Variants in PXDNL observed in about 807,000 individuals in gnomAD.
PXDNL encodes probable oxidoreductase PXDNL.
PXDNL carries 145 observed loss-of-function variants against 150.8 expected under a neutral mutation model. That is an observed-to-expected ratio of 0.96 (90% CI 0.84 to 1.10). The LOEUF (loss-of-function observed/expected upper bound fraction) is 1.10. PXDNL is among the 50% of genes least tolerant of loss of function. The pLI, the probability that PXDNL is intolerant of heterozygous loss-of-function variation, is 0.00. For synonymous variants in PXDNL, 757 were observed against 725.7 expected, an observed-to-expected ratio of 1.04 and a Z score of -0.69; for missense variants, 2,087 against 1,873.9, an observed-to-expected ratio of 1.11 and a Z score of -2.10.
At chr8:51,774,445 A>G (rs965768251) in intron 1 of PXDNL, among the ~76,000 whole-genome samples, 2 of 152,194 alleles carry the variant, frequency 1.3e-5, no homozygotes, top group Non-Finnish European at 2.9e-5. Flanking sequence ...TTAAAATATT[A>G]ACAACTTTAG....
intron 1 of PXDNL, among the ~76,000 whole-genome samples, chr8:51,706,063 C>T (rs1816372210): frequency 6.6e-6 from 1 of 152,158 alleles, no homozygotes; most frequent in Admixed American, 6.5e-5. Context: ...ATAATCCCAG[C>T]ACTTTGGGAG....
intron 1 of PXDNL, among the ~76,000 whole-genome samples, chr8:51,683,194 T>TATATATATATATATATATATAG (rs1815794787): frequency 7.5e-6 from 1 of 133,110 alleles, no homozygotes; most frequent in Non-Finnish European, 1.6e-5. Context: ...TATATATATA[T>TATATATATATATATATATATAG]ATATATGCCT....
intron 2 of PXDNL, among the ~76,000 whole-genome samples, chr8:51,599,406 T>C (rs1488772622): frequency 6.6e-6 from 1 of 151,704 alleles, no homozygotes; most frequent in Non-Finnish European, 1.5e-5. Context: ...TGCTTTTGTT[T>C]TGATATGTTA....
chr8:51,652,040 T>C (rs965222508), intron 2 of PXDNL, among the ~76,000 whole-genome samples: 4 of 152,174 alleles, frequency 2.6e-5, no homozygotes, highest in African/African-American at 9.7e-5. Context: ...CCCTCTCTTT[T>C]ACAATATAGA....
At chr8:51,458,773 G>A (rs1317095455) in intron 8 of PXDNL, among the ~76,000 whole-genome samples, 2 of 152,180 alleles carry the variant, frequency 1.3e-5, no homozygotes, top group Non-Finnish European at 2.9e-5. Context: ...TTGTTAAAGA[G>A]ATGAATAAAT....
intron 22 of PXDNL, 96 bp downstream of exon 22, chr8:51,320,688 A>C: frequency 1.2e-6 from 1 of 869,342 alleles, no homozygotes; most frequent in Non-Finnish European, 1.9e-6. Context: ...ATTGACATAA[A>C]ATATATTTTT....
At chr8:51,723,670 G>T (rs1219926694) in intron 1 of PXDNL, among the ~76,000 whole-genome samples, 2 of 152,176 alleles carry the variant, frequency 1.3e-5, no homozygotes, top group African/African-American at 4.8e-5. Flanking sequence ...TCAGCAGTGA[G>T]CCACCTGCCG....
intron 1 of PXDNL, among the ~76,000 whole-genome samples, chr8:51,779,110 G>C (rs908197885): frequency 1.3e-5 from 2 of 152,294 alleles, no homozygotes; most frequent in East Asian, 3.9e-4. Context: ...AATGAAAAGG[G>C]GGTAGAGTAG....
chr8:51,408,508 T>C lies in PXDNL; in HGVS notation c.3116A>G (p.Asn1039Ser), dbSNP rs73678557. The C allele has an allele frequency of 1.1e-3, 1,847 of 1,613,432 alleles. 18 individuals carry two copies. The African/African-American group carries it at 0.022, about 20-fold the overall frequency. Residue 1039 changes from asparagine (N) to serine (S), a missense_variant, in exon 17 of 23, where the codon AAC becomes AGC. Asn to Ser is a conservative substitution (Grantham distance 46). Coordinates refer to ENST00000356297, the MANE Select transcript of PXDNL (RefSeq NM_144651.5). ...AGAGTTAATGATGCCTGCATTCACG[T>C]TGGGGTTGTAGCCTCGGTAACCCCT... ...MLRGYRGYNPNVNAGIINSFA... is the reference protein window; with the variant it reads ...MLRGYRGYNPSVNAGIINSFA...
At chr8:51,549,090 T>C (rs1812426156) in intron 4 of PXDNL, among the ~76,000 whole-genome samples, 1 of 152,136 alleles carries the variant, frequency 6.6e-6, no homozygotes, top group Non-Finnish European at 1.5e-5. Context: ...AAAAGAGACA[T>C]TATATAATGC....
chr8:51,557,095 C>A (rs1812616210), intron 3 of PXDNL, among the ~76,000 whole-genome samples, 184 bp from the exon 4 acceptor site: 1 of 152,032 alleles, frequency 6.6e-6, no homozygotes, highest in African/African-American at 2.4e-5. Flanking sequence ...AGTTCTAAGC[C>A]TCTCATCAAA....
intron 17 of PXDNL, among the ~76,000 whole-genome samples, chr8:51,386,824 G>GA (rs561391223): frequency 0.082 from 11,033 of 134,204 alleles, 755 homozygotes; most frequent in African/African-American, 0.19. Context: ...ACTTCATCTT[G>GA]AAAAAAAAAA....
chr8:51,435,735 A>T, intron 12 of PXDNL: 1 of 369,852 alleles, frequency 2.7e-6, no homozygotes, highest in Non-Finnish European at 5.4e-6. Context: ...GAAGATAGAG[A>T]CTGGATCCCA....
Position 51,489,671 on chromosome 8 carries a change from C to T in PXDNL, c.453-5957G>A, listed in dbSNP as rs541216986. On this transcript the variant is annotated intron_variant, in intron 5 of 22. Coordinates refer to ENST00000356297, the MANE Select transcript of PXDNL (RefSeq NM_144651.5). ...CTCTCTGTGAAAATAAAATTGATTT[C>T]CTATAAAATAGAATCATAATAGGCT... is the stretch of plus-strand genomic sequence containing the variant. Among the ~76,000 whole-genome samples the T allele has an allele frequency of 2.1e-4, 32 of 152,104 alleles. 1 individual carries two copies. The highest frequency in any genetic ancestry group is 1.8e-3 in the Admixed American group (27 of 15,270).
Position 51,408,660 on chromosome 8 carries a change from C to CA in PXDNL, c.2963dup (p.Asn989GlufsTer32), listed in dbSNP as rs746591124. 8 of 1,603,648 alleles carry CA rather than the reference C, an allele frequency of 5.0e-6. No individual in the cohort carries two copies. The South Asian group carries it at 8.9e-5, about 18-fold the overall frequency. On this transcript the variant is annotated frameshift_variant, in exon 17 of 23. Transcript: ENST00000356297. LOFTEE classifies it high-confidence loss of function. ...CCGTGTTTCCCTCCCAGTGGGGGTTCAGGGCGGACAGCTCCGTGGCCATCC... is the reference window on the plus strand; with the variant it reads ...CCGTGTTTCCCTCCCAGTGGGGGTTCAAGGGCGGACAGCTCCGTGGCCATCC...
At chr8:51,799,235 G>A (rs894025954) in intron 1 of PXDNL, among the ~76,000 whole-genome samples, 3 of 152,034 alleles carry the variant, frequency 2.0e-5, no homozygotes, top group Non-Finnish European at 2.9e-5. Flanking sequence ...AGGAGCCTGT[G>A]GGGGCAGGGC....
chr8:51,693,851 AT>A (rs1378787532), intron 1 of PXDNL, among the ~76,000 whole-genome samples: 1 of 152,236 alleles, frequency 6.6e-6, no homozygotes, highest in Non-Finnish European at 1.5e-5. Flanking sequence ...TACATAGACT[AT>A]AAATGACACA....
At chr8:51,575,361 A>T (rs547262863) in intron 3 of PXDNL, among the ~76,000 whole-genome samples, 1 of 152,092 alleles carries the variant, frequency 6.6e-6, no homozygotes, top group Admixed American at 6.6e-5. Flanking sequence ...AAATAAACAG[A>T]AAAAAAATTA....
chr8:51,683,285 C>T (rs1815799056), intron 1 of PXDNL, among the ~76,000 whole-genome samples: 1 of 145,370 alleles, frequency 6.9e-6, no homozygotes. Flanking sequence ...TGAGGCGATA[C>T]CTCACTGTGG....
Sources: gnomAD v4.1 joint callset for allele counts (sites outside exome capture counted in the v4.1 genomes callset) on GRCh38, gnomAD v4.1.1 for gene constraint, MANE v1.5 for transcripts, NCBI Gene and HGNC (gene_info 2026-07-23, HGNC 2026-07-21) for gene names.